ZFHX3: variants seen among roughly 807,000 people sequenced by gnomAD.
ZFHX3 encodes zinc finger homeobox protein 3.
In ZFHX3, 42 loss-of-function variants were observed where a neutral mutation model predicts 279.1. That is an observed-to-expected ratio of 0.15 (90% CI 0.12 to 0.19). ZFHX3 has a LOEUF of 0.19. Ranked by LOEUF, ZFHX3 falls within the 10% of genes least tolerant of loss-of-function variation. ZFHX3 has a pLI of 1.00. For missense variants in ZFHX3, 4,981 were observed against 4,754.0 expected (o/e 1.05, Z -1.40); for synonymous variants, 2,293 against 1,957.8 (o/e 1.17, Z -4.52).
intron 3 of ZFHX3, among the ~76,000 whole-genome samples, chr16:73,375,328 G>C (rs532856943): frequency 6.6e-6 from 1 of 152,210 alleles, no homozygotes; most frequent in African/African-American, 2.4e-5. Context: ...TTTTTGATGT[G>C]ACAAAATGTT....
chr16:73,697,490 A>G (rs528574482), intron 1 of ZFHX3, among the ~76,000 whole-genome samples: 4 of 152,288 alleles, frequency 2.6e-5, no homozygotes, highest in East Asian at 3.9e-4. Context: ...CACTGATTCA[A>G]CATTGTTCCC....
intron 5 of ZFHX3, among the ~76,000 whole-genome samples, chr16:73,225,354 A>C (rs1235324213): frequency 4.6e-5 from 7 of 152,134 alleles, no homozygotes; most frequent in South Asian, 2.1e-4. Flanking sequence ...GGTGGCTCAC[A>C]CTTGTAATCC....
At chr16:73,666,392 A>G (rs964810356) in intron 2 of ZFHX3, among the ~76,000 whole-genome samples, 4 of 151,932 alleles carry the variant, frequency 2.6e-5, no homozygotes, top group Non-Finnish European at 5.9e-5. Flanking sequence ...TGTGTTTCAG[A>G]GAGCTCTTAT....
chr16:73,817,777 C>G (rs1376745000), intron 1 of ZFHX3, among the ~76,000 whole-genome samples: 1 of 152,118 alleles, frequency 6.6e-6, no homozygotes, highest in African/African-American at 2.4e-5. Flanking sequence ...AGTCTATAAA[C>G]GCCGAAAGAA....
intron 5 of ZFHX3, among the ~76,000 whole-genome samples, chr16:73,153,408 C>A (rs1966996698): frequency 6.6e-6 from 1 of 151,698 alleles, no homozygotes; most frequent in Admixed American, 6.6e-5. Flanking sequence ...TACAGCCACA[C>A]CTAGCCTTGG....
At chr16:73,612,225 T>C (rs7197725) in intron 2 of ZFHX3, among the ~76,000 whole-genome samples, 12,360 of 152,112 alleles carry the variant, frequency 0.081, 1,659 homozygotes, top group African/African-American at 0.28. Context: ...TAAAGGGCAA[T>C]GTGGTGTTTT....
intron 2 of ZFHX3, among the ~76,000 whole-genome samples, chr16:73,676,592 A>G (rs1336792693): frequency 1.3e-5 from 2 of 152,014 alleles, no homozygotes; most frequent in Non-Finnish European, 2.9e-5. Context: ...CAAAAAGAAA[A>G]TATAAAGAAA....
intron 4 of ZFHX3, among the ~76,000 whole-genome samples, chr16:72,877,686 T>C (rs1597337271): frequency 6.6e-6 from 1 of 152,190 alleles, no homozygotes; most frequent in East Asian, 1.9e-4. Context: ...GAAAAAAAAC[T>C]TCTGATCCCT....
chr16:73,125,400 T>C (rs1384083899), intron 7 of ZFHX3: 4 of 152,034 alleles, frequency 2.6e-5, no homozygotes, highest in African/African-American at 4.8e-5. Flanking sequence ...GGTACTGTGA[T>C]GGTTAATACT....
intron 1 of ZFHX3, among the ~76,000 whole-genome samples, chr16:73,755,342 A>G (rs2053798922): frequency 1.3e-5 from 2 of 152,204 alleles, no homozygotes; most frequent in Admixed American, 6.5e-5. Flanking sequence ...AAGAAAAAAA[A>G]GATGGGAAAA....
At chr16:73,630,351 G>T (rs1023182459) in intron 2 of ZFHX3, among the ~76,000 whole-genome samples, 9 of 152,152 alleles carry the variant, frequency 5.9e-5, no homozygotes, top group Admixed American at 2.6e-4. Context: ...TTTTATCTGG[G>T]GATCTCACTT....
At chr16:73,115,068 C>T (rs1048471816) in intron 7 of ZFHX3, among the ~76,000 whole-genome samples, 7 of 152,124 alleles carry the variant, frequency 4.6e-5, no homozygotes, top group Non-Finnish European at 1.5e-5. Context: ...TCTTTGTTGG[C>T]CACCAGCAAT....
At chr16:73,763,938 C>T (rs2053899417) in intron 1 of ZFHX3, among the ~76,000 whole-genome samples, 1 of 151,962 alleles carries the variant, frequency 6.6e-6, no homozygotes, top group Admixed American at 6.6e-5. Flanking sequence ...GAGGACCATA[C>T]TTGGAAGTGA....
At chr16:72,935,379 G>A (rs1229184566) in intron 3 of ZFHX3, among the ~76,000 whole-genome samples, 1 of 152,192 alleles carries the variant, frequency 6.6e-6, no homozygotes, top group African/African-American at 2.4e-5. Flanking sequence ...CAGGAGAGGA[G>A]CCTCTAGGGA....
At chr16:73,749,405 T>C (rs1469277298) in intron 1 of ZFHX3, among the ~76,000 whole-genome samples, 2 of 152,090 alleles carry the variant, frequency 1.3e-5, no homozygotes, top group Non-Finnish European at 2.9e-5. Context: ...TTCCCTCATC[T>C]CTGGAACTAT....
At position 73,156,250 on chromosome 16, in the gene ZFHX3, A is replaced by G. The variant is rs559433033; in HGVS notation, c.-1103-12419T>C. On this transcript the variant is annotated intron_variant, in intron 5 of 17. Transcript: ENST00000641206. ...CCCTCTCAAAAAAAAAAAAAAAAAA[A>G]AGACTATATATAAAGTGTTCTTTTC... Among the ~76,000 whole-genome samples, 3 of 149,936 alleles carry G rather than the reference A, an allele frequency of 2.0e-5. No homozygotes were observed. In the South Asian group the frequency reaches 6.3e-4, roughly 31 times the overall value.
rs766590724 is a variant in ZFHX3 at position 72,787,483 on chromosome 16, G to A, written c.10793C>T (p.Pro3598Leu). 7 of 1,612,124 alleles carry A rather than the reference G, an allele frequency of 4.3e-6. No individual in the cohort carries two copies. The South Asian group carries it at 6.6e-5, about 15-fold the overall frequency. Residue 3598 changes from proline (P) to leucine (L), a missense_variant, in exon 10 of 10, where the codon CCT becomes CTT. Pro to Leu is a moderately conservative substitution (Grantham distance 98). Transcript: ENST00000268489. ...GGAGGGGGCGGCGGCCGACGGGGGA[G>A]GGGGGCTGTCGTTTGAGTGAGCGGC... ...QSAAHSNDSP[P>L]PPSAAAPSSA...
chr16:72,853,493 C>G (rs2037670166), intron 4 of ZFHX3, among the ~76,000 whole-genome samples: 1 of 152,224 alleles, frequency 6.6e-6, no homozygotes, highest in Non-Finnish European at 1.5e-5. Flanking sequence ...ACTGCTTTCC[C>G]CTTCAAACTT....
At chr16:72,973,600 C>T (rs1285774642) in intron 1 of ZFHX3, 3 of 152,258 alleles carry the variant, frequency 2.0e-5, no homozygotes, top group Non-Finnish European at 2.9e-5. Flanking sequence ...GCCTATTGGC[C>T]AGGCATGGTG....
Sources: allele counts gnomAD v4.1 joint callset (sites outside exome capture counted in the v4.1 genomes callset), GRCh38; gene constraint gnomAD v4.1.1; transcripts MANE v1.5; gene names NCBI Gene and HGNC (gene_info 2026-07-23, HGNC 2026-07-21).